The following UNC5D variants were observed in gnomAD, a reference collection of about 807,000 sequenced individuals.
UNC5D encodes the protein unc-5 netrin receptor D.
A neutral mutation model predicts 105.4 loss-of-function variants in UNC5D; 39 were observed. That is an observed-to-expected ratio of 0.37 (90% CI 0.29 to 0.48). The LOEUF (loss-of-function observed/expected upper bound fraction) is 0.48. UNC5D is among the 20% of genes least tolerant of loss of function. The pLI is 0.98. For missense variants in UNC5D, 991 were observed against 1,202.4 expected (o/e 0.82, Z 2.60); for synonymous variants, 452 against 450.4 (o/e 1.00, Z -0.04).
At chr8:35,284,745 G>A (rs532256744) in intron 1 of UNC5D, among the ~76,000 whole-genome samples, 1 of 152,002 alleles carries the variant, frequency 6.6e-6, no homozygotes, top group South Asian at 2.1e-4. Flanking sequence ...TGTATTTTTA[G>A]TGGAGATGGG....
chr8:35,595,023 G>A (rs1305633798), intron 3 of UNC5D, among the ~76,000 whole-genome samples: 2 of 152,162 alleles, frequency 1.3e-5, no homozygotes, highest in Non-Finnish European at 2.9e-5. Flanking sequence ...ATTTTGTTGT[G>A]GTTGAATGTT....
rs1373715127 is a variant in UNC5D, at chr8:35,793,664, C to G, written c.*3101C>G. ...TAAAGTTAATTTACAGTTTTTACAA[C>G]ATTGCTTCTACATTCTTACTGGTTT... is the stretch of plus-strand genomic sequence containing the variant. On this transcript the variant is annotated 3_prime_UTR_variant, in exon 17 of 17. Coordinates refer to ENST00000404895, the MANE Select transcript of UNC5D (RefSeq NM_080872.4). 1 of 152,756 alleles carries G rather than the reference C, an allele frequency of 6.5e-6. No individual in the cohort carries two copies. The highest frequency in any genetic ancestry group is 2.4e-5 in the African/African-American group (1 of 41,446). The allele number at this position is 152,756 out of a possible 1,614,324, so 9.5% of individuals were successfully genotyped here. A position where few individuals can be genotyped will look rare whatever the true frequency, so the allele number is the denominator to read the frequency against.
At chr8:35,266,277 G>T (rs969252528) in intron 1 of UNC5D, among the ~76,000 whole-genome samples, 2 of 152,164 alleles carry the variant, frequency 1.3e-5, no homozygotes, top group Non-Finnish European at 2.9e-5. Flanking sequence ...TTGTAAAGGT[G>T]CCTGAAATAA....
intron 1 of UNC5D, among the ~76,000 whole-genome samples, chr8:35,497,579 G>C (rs1454038377): frequency 6.6e-6 from 1 of 151,844 alleles, no homozygotes; most frequent in African/African-American, 2.4e-5. Flanking sequence ...CATGTCAAGT[G>C]TGAGATGTCT....
intron 1 of UNC5D, among the ~76,000 whole-genome samples, chr8:35,402,290 G>A (rs1365182866): frequency 6.6e-6 from 1 of 152,116 alleles, no homozygotes; most frequent in African/African-American, 2.4e-5. Context: ...CAACGTGGCT[G>A]GGGAGGCCTC....
intron 1 of UNC5D, among the ~76,000 whole-genome samples, chr8:35,479,795 C>G (rs887628357): frequency 6.6e-6 from 1 of 152,106 alleles, no homozygotes; most frequent in Non-Finnish European, 1.5e-5. Flanking sequence ...AGGGAGAGAA[C>G]ATAGGTTGGA....
intron 4 of UNC5D, among the ~76,000 whole-genome samples, chr8:35,629,922 C>T (rs544313133): frequency 6.6e-5 from 10 of 152,272 alleles, no homozygotes; most frequent in African/African-American, 9.6e-5. Flanking sequence ...TTGTAACTTA[C>T]GGGTAACCCT....
At chr8:35,454,136 C>T (rs1207639891) in intron 1 of UNC5D, among the ~76,000 whole-genome samples, 2 of 152,182 alleles carry the variant, frequency 1.3e-5, no homozygotes, top group East Asian at 3.9e-4. Context: ...GCCTCAGTGA[C>T]TTCATGTTAT....
intron 1 of UNC5D, among the ~76,000 whole-genome samples, chr8:35,302,657 C>T (rs1331651909): frequency 6.6e-6 from 1 of 152,096 alleles, no homozygotes; most frequent in African/African-American, 2.4e-5. Flanking sequence ...TTTTGGAGAA[C>T]ACATTAAAGC....
At chr8:35,629,957 C>A (rs1387047010) in intron 4 of UNC5D, among the ~76,000 whole-genome samples, 1 of 152,138 alleles carries the variant, frequency 6.6e-6, no homozygotes, top group South Asian at 2.1e-4. Flanking sequence ...CCTGCTTTTG[C>A]ATTTCCCCTT....
intron 1 of UNC5D, among the ~76,000 whole-genome samples, chr8:35,392,809 C>G (rs1474847799): frequency 6.6e-6 from 1 of 152,138 alleles, no homozygotes; most frequent in South Asian, 2.1e-4. Flanking sequence ...ATTGGAAGAA[C>G]CTTGTTCATT....
At chr8:35,450,314 A>T (rs995267467) in intron 1 of UNC5D, among the ~76,000 whole-genome samples, 1 of 152,184 alleles carries the variant, frequency 6.6e-6, no homozygotes, top group Non-Finnish European at 1.5e-5. Context: ...AGAGTGAGTT[A>T]CTGGTCTTCT....
At chr8:35,636,370 T>C (rs1308588480) in intron 4 of UNC5D, among the ~76,000 whole-genome samples, 1 of 152,178 alleles carries the variant, frequency 6.6e-6, no homozygotes, top group Non-Finnish European at 1.5e-5. Context: ...ATTTCAGGCC[T>C]GGTAATTATT....
intron 1 of UNC5D, among the ~76,000 whole-genome samples, chr8:35,275,760 A>T (rs1162397248): frequency 1.2e-4 from 18 of 152,240 alleles, no homozygotes; most frequent in Admixed American, 1.2e-3. Context: ...GGCTTGAAGT[A>T]ACATATGTAA....
At chr8:35,388,278 C>T (rs769160454) in intron 1 of UNC5D, among the ~76,000 whole-genome samples, 10 of 151,972 alleles carry the variant, frequency 6.6e-5, no homozygotes, top group East Asian at 1.9e-4. Context: ...GCTGGAGAAT[C>T]GCTTGAACCT....
At chr8:35,688,076 G>A (rs1249726408) in intron 7 of UNC5D, among the ~76,000 whole-genome samples, 1 of 151,890 alleles carries the variant, frequency 6.6e-6, no homozygotes, top group Non-Finnish European at 1.5e-5. Context: ...AGCTTGCAGT[G>A]AGCCGAGATA....
chr8:35,247,079 T>A (rs1488931639), intron 1 of UNC5D, among the ~76,000 whole-genome samples: 1 of 152,062 alleles, frequency 6.6e-6, no homozygotes, highest in East Asian at 1.9e-4. Flanking sequence ...AATCCAGGTC[T>A]TCATTTTCTC....
intron 1 of UNC5D, among the ~76,000 whole-genome samples, chr8:35,247,238 T>A (rs201120885): frequency 7.3e-6 from 1 of 136,128 alleles, no homozygotes; most frequent in South Asian, 2.4e-4. Context: ...TTTATTTAAA[T>A]GTTTATATTT....
At chr8:35,728,095 A>T (rs201592973) in intron 10 of UNC5D, among the ~76,000 whole-genome samples, 1,948 of 109,152 alleles carry the variant, frequency 0.018, 31 homozygotes, top group African/African-American at 0.039. Context: ...AAAAAAAAAA[A>T]ATATATATAT....
Sources: allele counts gnomAD v4.1 joint callset (sites outside exome capture counted in the v4.1 genomes callset), GRCh38; gene constraint gnomAD v4.1.1; transcripts MANE v1.5; gene names NCBI Gene and HGNC (gene_info 2026-07-23, HGNC 2026-07-21).